Variants in MPRIP observed in about 807,000 individuals in gnomAD.
MPRIP encodes the protein myosin phosphatase Rho-interacting protein.
MPRIP carries 59 observed loss-of-function variants against 234.9 expected under a neutral mutation model. The observed-to-expected ratio is 0.25, with a 90% CI of 0.20 to 0.31. The LOEUF is 0.31. Ranked by LOEUF, MPRIP falls within the 10% of genes least tolerant of loss-of-function variation. MPRIP has a pLI of 1.00. For synonymous variants in MPRIP, 1,144 were observed against 1,263.9 expected (o/e 0.91, Z 2.01); for missense variants, 2,436 against 3,071.0 (o/e 0.79, Z 4.89).
In MPRIP at chr17:17,172,820, G is replaced by A; in HGVS notation, c.6590+5G>A. On this transcript the variant is annotated splice_donor_5th_base_variant and intron_variant, in intron 18 of 23. Coordinates refer to ENST00000651222, the MANE Select transcript of MPRIP (RefSeq NM_001364716.4). The stretch of plus-strand genomic sequence containing the variant: ...GGCCCTGCGGCGCCAGTACCTGTAA[G>A]TGGCTGGGCCTGCCCATCTGCCCTT... The A allele has an allele frequency of 6.2e-7, 1 of 1,610,670 alleles. No individual in the cohort carries two copies. Among genetic ancestry groups the A allele is most frequent in the Non-Finnish European group, 8.5e-7 (1 of 1,178,942 alleles).
At position 17,165,611 on chromosome 17, in the gene MPRIP, G is replaced by A. The variant is rs2045968527; in HGVS notation, c.4020G>A (p.Lys1340=). The change falls in exon 16 of 24, where the codon AAG becomes AAA. Residue 1340 remains lysine, a synonymous_variant. Transcript: ENST00000651222. ...ACATTCACCCCGAAGGGTCTGAGAA[G>A]ACCTGGACCAGCAGCACATCTTCCG... ...QRYIHPEGSE[K]TWTSSTSSDT... is the part of the protein sequence containing the mutation. 1.5e-6 allele frequency: 2 copies of A among 1,304,934 alleles called. No homozygotes were observed. Among genetic ancestry groups the A allele is most frequent in the South Asian group, 1.2e-5 (1 of 81,038 alleles). 80.8% of individuals were successfully genotyped at this position (1,304,934 alleles called of 1,614,324 possible). A position where few individuals can be genotyped will look rare whatever the true frequency, so the allele number is the denominator to read the frequency against.
rs904208416 is a variant in MPRIP, at chr17:17,143,573, C to T, written c.1407C>T (p.Ala469=). 3 of 1,597,468 alleles carry T rather than the reference C, an allele frequency of 1.9e-6. No homozygotes were observed. Among genetic ancestry groups the T allele is most frequent in the Non-Finnish European group, 2.6e-6 (3 of 1,172,022 alleles). The stretch of plus-strand genomic sequence containing the variant: ...TGCCACAGGACTTCACCAATGAAGC[C>T]CCCCCAGCTCCTCTCCCAGACGCCT... ...FPRKRDFTNE[A]PPAPLPDASA... The change falls in exon 9 of 24, where the codon GCC becomes GCT. Residue 469 remains alanine (A), a synonymous_variant. Coordinates refer to ENST00000651222, the MANE Select transcript of MPRIP (RefSeq NM_001364716.4).
chr17:17,172,147 T>C (rs1032991337), intron 17 of MPRIP, among the ~76,000 whole-genome samples: 1 of 152,228 alleles, frequency 6.6e-6, no homozygotes, highest in Non-Finnish European at 1.5e-5. Flanking sequence ...TTCCAACAAG[T>C]AGACTGACCA....
chr17:17,141,220 G>A (rs1395970145), intron 7 of MPRIP, among the ~76,000 whole-genome samples: 1 of 152,174 alleles, frequency 6.6e-6, no homozygotes, highest in Admixed American at 6.5e-5. Context: ...TCCTGGAAGT[G>A]GCCTGTTGGT....
chr17:17,127,514 T>C (rs926710561), intron 4 of MPRIP, among the ~76,000 whole-genome samples: 1 of 152,184 alleles, frequency 6.6e-6, no homozygotes, highest in African/African-American at 2.4e-5. Flanking sequence ...TTCCCAGAGC[T>C]CCCAGTCTAG....
chr17:17,175,974 G>A (rs2046245444), intron 20 of MPRIP, among the ~76,000 whole-genome samples: 2 of 152,248 alleles, frequency 1.3e-5, no homozygotes, highest in African/African-American at 4.8e-5. Flanking sequence ...CCAAGGCTGG[G>A]AGGGACCAGT....
chr17:17,048,805 C>T (rs1325874343), intron 1 of MPRIP, among the ~76,000 whole-genome samples: 8 of 152,210 alleles, frequency 5.3e-5, no homozygotes, highest in Non-Finnish European at 1.0e-4. Flanking sequence ...AAACCTACCA[C>T]GTGAGCCAGC....
chr17:17,124,177 C>G (rs1274477217), intron 3 of MPRIP, among the ~76,000 whole-genome samples: 5 of 152,180 alleles, frequency 3.3e-5, no homozygotes, highest in Non-Finnish European at 7.4e-5. Flanking sequence ...CAACCACGTT[C>G]AGCAGCAGAG....
chr17:17,172,476 A>G (rs531696047), intron 17 of MPRIP, among the ~76,000 whole-genome samples: 11 of 152,348 alleles, frequency 7.2e-5, no homozygotes, highest in African/African-American at 2.2e-4. Context: ...CCAAACGTGC[A>G]TTCCTTCCAG....
intron 3 of MPRIP, among the ~76,000 whole-genome samples, chr17:17,080,677 T>A (rs576361410): frequency 2.0e-5 from 3 of 152,370 alleles, no homozygotes; most frequent in African/African-American, 7.2e-5. Context: ...CAAGGAAGGC[T>A]CCAGCCCAAA....
chr17:17,168,140 C>G, intron 16 of MPRIP: 1 of 348,378 alleles, frequency 2.9e-6, no homozygotes, highest in Non-Finnish European at 5.5e-6. Flanking sequence ...AGGAGGGCCG[C>G]CAGGGTCCCT....
chr17:17,145,248 T>A (rs907048671), intron 9 of MPRIP, among the ~76,000 whole-genome samples: 10 of 152,220 alleles, frequency 6.6e-5, no homozygotes, highest in Admixed American at 3.9e-4. Flanking sequence ...AATTCTTGCC[T>A]GTTCTCACTC....
chr17:17,088,632 C>A (rs1034079343), intron 3 of MPRIP, among the ~76,000 whole-genome samples: 2 of 152,288 alleles, frequency 1.3e-5, no homozygotes, highest in African/African-American at 4.8e-5. Flanking sequence ...GGGGCACATC[C>A]CTTCCACTCT....
intron 1 of MPRIP, among the ~76,000 whole-genome samples, chr17:17,053,583 G>A (rs974751956): frequency 6.6e-6 from 1 of 152,176 alleles, no homozygotes; most frequent in African/African-American, 2.4e-5. Flanking sequence ...TGTCCACCAT[G>A]GGCCAGGCCA....
chr17:17,145,847 G>C (rs182550991), intron 9 of MPRIP, among the ~76,000 whole-genome samples, 189 bp from the exon 10 acceptor site: 1 of 152,202 alleles, frequency 6.6e-6, no homozygotes, highest in Admixed American at 6.5e-5. Context: ...CCTCAAGGTC[G>C]CGTGTGCCTA....
intron 3 of MPRIP, among the ~76,000 whole-genome samples, chr17:17,100,999 T>A: frequency 6.6e-6 from 1 of 152,178 alleles, no homozygotes; most frequent in East Asian, 1.9e-4. Flanking sequence ...AACAGTTTTT[T>A]AGGATGACTG....
intron 1 of MPRIP, among the ~76,000 whole-genome samples, chr17:17,043,353 T>C (rs770418983): frequency 6.6e-6 from 1 of 152,066 alleles, no homozygotes; most frequent in Non-Finnish European, 1.5e-5. Flanking sequence ...GGTCGGATTG[T>C]TGGGGAGGAC....
chr17:17,118,912 A>G (rs1483702538), intron 3 of MPRIP, among the ~76,000 whole-genome samples: 2 of 152,084 alleles, frequency 1.3e-5, no homozygotes, highest in East Asian at 3.9e-4. Context: ...TCTACACTTG[A>G]TGGCCTTTGG....
chr17:17,158,505 G>A lies in MPRIP; in HGVS notation c.1903G>A (p.Ala635Thr), dbSNP rs377463769. The change falls in exon 14 of 24, where the codon GCA (alanine) becomes ACA (threonine). Residue 635 changes from alanine to threonine, a missense_variant. Physicochemically the swap from Ala to Thr is moderately conservative, Grantham distance 58. This residue lies in a region of MPRIP where 1,998 missense variants were observed against 2,520.3 expected (regional missense o/e 0.79). Transcript: ENST00000651222. ...TCPRPTEKQE[A>T]ELGEPDPEQK... Reference sequence around the variant, plus strand: ...CCCGAGGCCTACTGAGAAGCAAGAGGCAGAGCTGGGGGAGCCGGACCCTGA... The same window carrying A: ...CCCGAGGCCTACTGAGAAGCAAGAGACAGAGCTGGGGGAGCCGGACCCTGA... 13 of 1,611,266 alleles carry A rather than the reference G, an allele frequency of 8.1e-6. No homozygotes were observed. Among genetic ancestry groups the A allele is most frequent in the Non-Finnish European group, 1.1e-5 (13 of 1,179,772 alleles).
Sources: allele counts gnomAD v4.1 joint callset (sites outside exome capture counted in the v4.1 genomes callset), GRCh38; gene constraint gnomAD v4.1.1; regional missense constraint gnomAD v4.1.1; transcripts MANE v1.5; gene names NCBI Gene and HGNC (gene_info 2026-07-23, HGNC 2026-07-21).